PLEKHH1: variants seen among roughly 807,000 people sequenced by gnomAD.
PLEKHH1 encodes pleckstrin homology domain-containing family H member 1.
PLEKHH1 carries 104 observed loss-of-function variants against 160.0 expected under a neutral mutation model. The ratio of observed to expected loss-of-function variants is 0.65; its 90% confidence interval spans 0.55 to 0.76. The LOEUF is 0.76. Ranked by LOEUF, PLEKHH1 falls within the 30% of genes least tolerant of loss-of-function variation. The probability of loss-of-function intolerance (pLI) is 0.00; values close to 1 mark genes in which losing one functional copy is unlikely to be tolerated. For missense variants in PLEKHH1, 1,427 were observed against 1,724.1 expected, an observed-to-expected ratio of 0.83 and a Z score of 3.05; for synonymous variants, 619 against 678.4, an observed-to-expected ratio of 0.91 and a Z score of 1.36.
At chr14:67,535,886 G>A (rs915053471) in intron 1 of PLEKHH1, among the ~76,000 whole-genome samples, 9 of 152,090 alleles carry the variant, frequency 5.9e-5, no homozygotes, top group African/African-American at 1.2e-4. Flanking sequence ...GTTAAATGAC[G>A]GTTTCATATG....
In PLEKHH1 at chr14:67,574,288, G is replaced by A. The variant is rs763539264; in HGVS notation, c.1973G>A (p.Ser658Asn). The A allele has an allele frequency of 1.2e-6, 2 of 1,608,758 alleles. No homozygotes were observed. Among genetic ancestry groups the A allele is most frequent in the South Asian group, 2.2e-5 (2 of 89,772 alleles). The change falls in exon 14 of 29, where the codon AGC becomes AAC. Residue 658 changes from serine (S) to asparagine (N), a missense_variant. Coordinates refer to ENST00000329153, the MANE Select transcript of PLEKHH1 (RefSeq NM_020715.3). The surrounding 1 kb of genome is among the most constrained non-coding windows in gnomAD (Gnocchi z 4.2). ...KTYYLTADSP[S>N]LLEEWIRVLQ... ...TACTACCTGACGGCCGATTCACCCA[G>A]CCTGCTGGAGGAGTGGATCCGAGTA...
chr14:67,542,810 C>G (rs915335818), intron 2 of PLEKHH1, among the ~76,000 whole-genome samples: 1 of 152,168 alleles, frequency 6.6e-6, no homozygotes, highest in African/African-American at 2.4e-5. Context: ...AAGCGATTCT[C>G]CTGCCTCAGC....
At chr14:67,581,126 AGAC>A in intron 23 of PLEKHH1, 88 bp downstream of exon 23, 2 of 811,066 alleles carry the variant, frequency 2.5e-6, no homozygotes, top group Non-Finnish European at 4.3e-6. Flanking sequence ...CAGCCTATCC[AGAC>A]GGGGGGAGGG....
At chr14:67,542,689 T>C (rs1237140492) in intron 2 of PLEKHH1, among the ~76,000 whole-genome samples, 1 of 152,100 alleles carries the variant, frequency 6.6e-6, no homozygotes, top group Non-Finnish European at 1.5e-5. Context: ...TTTTATTTTA[T>C]TTTATTTTAT....
At chr14:67,535,223 G>A (rs1394521556) in intron 1 of PLEKHH1, among the ~76,000 whole-genome samples, 2 of 152,128 alleles carry the variant, frequency 1.3e-5, no homozygotes, top group Admixed American at 6.6e-5. Flanking sequence ...AGTGGTTGCC[G>A]CTGGGGAGAA....
intron 9 of PLEKHH1, 70 bp downstream of exon 9, chr14:67,570,082 G>A: frequency 2.8e-6 from 3 of 1,081,176 alleles, no homozygotes; most frequent in East Asian, 2.6e-5. Flanking sequence ...TCCAATGACT[G>A]GGGCGGGGCT....
At position 67,559,041 on chromosome 14, in the gene PLEKHH1, G is replaced by A. The variant is rs568023665; in HGVS notation, c.340-567G>A. Among the ~76,000 whole-genome samples, 28 of 152,344 alleles carry A rather than the reference G, an allele frequency of 1.8e-4. No homozygotes were observed. In the South Asian group the frequency reaches 5.8e-3, roughly 32 times the overall value. The stretch of plus-strand genomic sequence containing the variant: ...TGACCTTTAAGGTCCTTCCAGCTCT[G>A]AAATACTGAGAGTCTGACGTTGTCT... On this transcript the variant is annotated intron_variant, in intron 4 of 28. Coordinates refer to ENST00000329153, the MANE Select transcript of PLEKHH1 (RefSeq NM_020715.3).
At chr14:67,580,761 G>C in intron 22 of PLEKHH1, 177 bp from the exon 23 acceptor site, 1 of 575,428 alleles carries the variant, frequency 1.7e-6, no homozygotes. Context: ...CTGTTTGTGA[G>C]GGAGCTGCTG....
At chr14:67,579,390 G>C in intron 21 of PLEKHH1, 79 bp downstream of exon 21, 1 of 1,197,214 alleles carries the variant, frequency 8.4e-7, no homozygotes, top group Non-Finnish European at 1.1e-6. Flanking sequence ...TTAGGCTCAG[G>C]CTTGGCAGAT....
intron 6 of PLEKHH1, 39 bp from the exon 7 acceptor site, chr14:67,562,098 C>CG: frequency 6.2e-7 from 1 of 1,611,112 alleles, no homozygotes; most frequent in East Asian, 2.2e-5. Flanking sequence ...GGCTGAGCTA[C>CG]GGGAGCTCTC....
At chr14:67,556,454 T>C (rs2034597749) in intron 3 of PLEKHH1, among the ~76,000 whole-genome samples, 1 of 152,202 alleles carries the variant, frequency 6.6e-6, no homozygotes, top group African/African-American at 2.4e-5. Context: ...TTATTTTATT[T>C]TTTAAATAGA....
At chr14:67,542,061 G>C (rs938246458) in intron 2 of PLEKHH1, 68 bp downstream of exon 2, 2 of 1,402,308 alleles carry the variant, frequency 1.4e-6, no homozygotes, top group Non-Finnish European at 1.9e-6. Context: ...GGCCGTGTGA[G>C]AGAGGGAGAG....
In PLEKHH1 at chr14:67,568,934, C is replaced by A. The variant is rs533338194; in HGVS notation, c.1264-204C>A. The A allele has an allele frequency of 8.2e-5, 45 of 547,936 alleles. No homozygotes were observed. In the South Asian group the frequency reaches 1.0e-3, roughly 12 times the overall value. 33.9% of individuals were successfully genotyped at this position (547,936 alleles called of 1,614,324 possible). A position where few individuals can be genotyped will look rare whatever the true frequency, so the allele number is the denominator to read the frequency against. ...GTATTTCATTGATTCTCACAGCAGC[C>A]TGAAAGGTAAGTATTATTACCTCCA... On this transcript the variant is annotated intron_variant, in intron 7 of 28. Coordinates refer to ENST00000329153, the MANE Select transcript of PLEKHH1 (RefSeq NM_020715.3).
rs1214715335 is a variant in PLEKHH1, at chr14:67,574,722, G to C, written c.2088+319G>C. On this transcript the variant is annotated intron_variant, in intron 14 of 28. Transcript: ENST00000329153. This position sits in a 1 kb window ranked among gnomAD's most constrained non-coding sequence, Gnocchi z 4.2. ...TTATACCTGCCTCAGTGTTAATAGT[G>C]GGAGGAAGAGGCCTGGGCGAGGTAG... Among the ~76,000 whole-genome samples, 1 of 152,060 alleles carries C rather than the reference G, an allele frequency of 6.6e-6. No homozygotes were observed. The highest frequency in any genetic ancestry group is 1.5e-5 in the Non-Finnish European group (1 of 67,988).
Position 67,569,998 on chromosome 14 carries a change from AC to A in PLEKHH1, c.1421del (p.Thr474LysfsTer3). 6.3e-7 allele frequency: 1 copy of A among 1,598,966 alleles called. No homozygotes were observed. On this transcript the variant is annotated frameshift_variant, in exon 9 of 29. Transcript: ENST00000329153. LOFTEE classifies it high-confidence loss of function. Reference protein sequence around the residue: ...VYKNVTVPVYTALKGRATQIS... With the variant: ...VYKNVTVPVYXALKGRATQIS... The stretch of plus-strand genomic sequence containing the variant: ...CAAGAATGTCACTGTGCCTGTCTAC[AC>A]AGCACTGAAGGGGGTAAGAAACTGC...
intron 2 of PLEKHH1, among the ~76,000 whole-genome samples, chr14:67,552,394 T>A (rs1245792594): frequency 6.6e-6 from 1 of 152,204 alleles, no homozygotes; most frequent in Non-Finnish European, 1.5e-5. Flanking sequence ...TGTTCAGACA[T>A]TAGTTTTAGA....
chr14:67,580,840 T>A (rs1010620536), intron 22 of PLEKHH1, 98 bp from the exon 23 acceptor site: 2 of 764,544 alleles, frequency 2.6e-6, no homozygotes, highest in African/African-American at 3.5e-5. Flanking sequence ...TTCCTTAGTT[T>A]TCTTTGCTCT....
Position 67,578,308 on chromosome 14 carries a change from G to A in PLEKHH1, c.2751+109G>A. On this transcript the variant is annotated intron_variant, in intron 19 of 28. Transcript: ENST00000329153. The surrounding 1 kb of genome is among the most constrained non-coding windows in gnomAD (Gnocchi z 5.0). ...AGGTATACGGTGAGCCCAGCCAGCG[G>A]GCAGCCTCTGTGCTCCAAGCTGCAT... The A allele has an allele frequency of 4.1e-6, 4 of 967,076 alleles. No homozygotes were observed. The highest frequency in any genetic ancestry group is 6.4e-6 in the Non-Finnish European group (4 of 628,180). The allele number at this position is 967,076 out of a possible 1,614,324, so 59.9% of individuals were successfully genotyped here.
intron 7 of PLEKHH1, 105 bp from the exon 8 acceptor site, chr14:67,569,033 A>T: frequency 1.4e-6 from 1 of 699,480 alleles, no homozygotes; most frequent in Non-Finnish European, 2.4e-6. Flanking sequence ...ACTGCCCCCC[A>T]CAGGTCTGCC....
Sources: gnomAD v4.1 joint callset for allele counts (sites outside exome capture counted in the v4.1 genomes callset) on GRCh38, gnomAD v4.1.1 for gene constraint, Gnocchi (gnomAD v3.1) non-coding constraint, MANE v1.5 for transcripts, NCBI Gene and HGNC (gene_info 2026-07-23, HGNC 2026-07-21) for gene names.